Variants in SATB2 observed in about 807,000 individuals in gnomAD.
SATB2 encodes SATB homeobox 2, also known as DNA-binding protein SATB2.
Under a neutral mutation model 73.4 loss-of-function variants are expected in SATB2, and 1 was observed. The observed-to-expected ratio is 0.01, with a 90% confidence interval of 0.00 to 0.06. SATB2 has a LOEUF of 0.06. Ranked by LOEUF, SATB2 falls within the 10% of genes least tolerant of loss-of-function variation. SATB2 has a pLI of 1.00. For missense variants in SATB2, 459 were observed against 945.8 expected, an observed-to-expected ratio of 0.49 and a Z score of 6.75; for synonymous variants, 397 against 367.0, an observed-to-expected ratio of 1.08 and a Z score of -0.93.
intron 3 of SATB2, among the ~76,000 whole-genome samples, chr2:199,424,280 T>C (rs1248525977): frequency 6.6e-6 from 1 of 152,104 alleles, no homozygotes; most frequent in Non-Finnish European, 1.5e-5. Flanking sequence ...CTCATCACAG[T>C]CACGCAAAAT....
At chr2:199,294,128 A>G (rs774387478) in intron 10 of SATB2, among the ~76,000 whole-genome samples, 1 of 152,196 alleles carries the variant, frequency 6.6e-6, no homozygotes, top group Non-Finnish European at 1.5e-5. Flanking sequence ...ATGTAGATGA[A>G]TATGACATGA....
chr2:199,347,893 T>A lies in SATB2; in HGVS notation c.1173+808A>T, dbSNP rs896793032. 2.6e-5 allele frequency: 4 copies of A among 152,140 alleles called. 1 individual carries two copies. Among genetic ancestry groups the A allele is most frequent in the African/African-American group, 9.7e-5 (4 of 41,418 alleles). 9.4% of individuals were successfully genotyped at this position (152,140 alleles called of 1,614,324 possible). A position where few individuals can be genotyped will look rare whatever the true frequency, so the allele number is the denominator to read the frequency against. Reference sequence around the variant, plus strand: ...CGGCCCCGGATCAGTACCATCATAATCACCTGGGATCTTGTTAGAAATGTC... The same window carrying A: ...CGGCCCCGGATCAGTACCATCATAAACACCTGGGATCTTGTTAGAAATGTC... On this transcript the variant is annotated intron_variant, in intron 7 of 10. Coordinates refer to ENST00000417098, the MANE Select transcript of SATB2 (RefSeq NM_001172509.2).
chr2:199,333,063 G>A (rs1410298125), intron 7 of SATB2, among the ~76,000 whole-genome samples: 3 of 151,868 alleles, frequency 2.0e-5, no homozygotes, highest in South Asian at 2.1e-4. Flanking sequence ...CCTAGGATTA[G>A]GCTATATCTC....
chr2:199,369,799 C>T (rs961144302), intron 5 of SATB2, among the ~76,000 whole-genome samples: 18 of 152,118 alleles, frequency 1.2e-4, no homozygotes, highest in Admixed American at 1.2e-3. Context: ...TGCCAGCAGA[C>T]AGACCTTCAT....
Position 199,272,695 on chromosome 2 carries a change from A to G in SATB2, c.1741-23T>C, listed in dbSNP as rs1271346929. The G allele has an allele frequency of 1.3e-6, 2 of 1,597,788 alleles. No individual in the cohort carries two copies. The highest frequency in any genetic ancestry group is 4.5e-5 in the East Asian group (2 of 44,806). ...TACCTGATAATTAAGAGAGAAAAAA[A>G]TGAACACTGGACTCATGATTTTACC... is the stretch of plus-strand genomic sequence containing the variant. On this transcript the variant is annotated intron_variant, in intron 10 of 10. Transcript: ENST00000417098. The surrounding 1 kb of genome is among the most constrained non-coding windows in gnomAD (Gnocchi z 6.7).
At chr2:199,363,627 G>C (rs1207765596) in intron 6 of SATB2, among the ~76,000 whole-genome samples, 1 of 152,158 alleles carries the variant, frequency 6.6e-6, no homozygotes, top group African/African-American at 2.4e-5. Flanking sequence ...ATATCACAGA[G>C]TAAGTCTCAG....
intron 5 of SATB2, 52 bp downstream of exon 5, chr2:199,380,312 A>G: frequency 6.2e-7 from 1 of 1,610,114 alleles, no homozygotes; most frequent in Non-Finnish European, 8.5e-7. Flanking sequence ...CCTGATAGAG[A>G]GTCTACCAAT....
chr2:199,439,031 A>T (rs546661106), intron 2 of SATB2, among the ~76,000 whole-genome samples: 2 of 152,342 alleles, frequency 1.3e-5, no homozygotes, highest in Admixed American at 6.5e-5. Flanking sequence ...AGGACCCTTT[A>T]CCACTTGCTA....
At chr2:199,430,531 C>T (rs1691470760) in intron 3 of SATB2, among the ~76,000 whole-genome samples, 1 of 152,216 alleles carries the variant, frequency 6.6e-6, no homozygotes, top group South Asian at 2.1e-4. Context: ...GCTAGAAACA[C>T]AGTTACCATG....
chr2:199,297,859 T>G (rs1225464147), intron 10 of SATB2, among the ~76,000 whole-genome samples: 1 of 151,932 alleles, frequency 6.6e-6, no homozygotes, highest in Non-Finnish European at 1.5e-5. Context: ...TTTATTATGC[T>G]CTACAGAAGG....
At chr2:199,316,350 G>T (rs1446642) in intron 9 of SATB2, among the ~76,000 whole-genome samples, 5 of 151,936 alleles carry the variant, frequency 3.3e-5, no homozygotes, top group Admixed American at 1.3e-4. Context: ...TACAAGGAAG[G>T]CTTGTCAAGG....
chr2:199,334,981 T>A (rs1304590756), intron 7 of SATB2, among the ~76,000 whole-genome samples: 1 of 152,094 alleles, frequency 6.6e-6, no homozygotes, highest in Non-Finnish European at 1.5e-5. Context: ...ACAACCCCAC[T>A]ATGAATCTGG....
chr2:199,289,109 C>T (rs1692771933), intron 10 of SATB2, among the ~76,000 whole-genome samples: 1 of 152,124 alleles, frequency 6.6e-6, no homozygotes, highest in Non-Finnish European at 1.5e-5. Flanking sequence ...GCTCTTAATT[C>T]TAGGGTAGGC....
intron 8 of SATB2, 101 bp from the exon 9 acceptor site, chr2:199,324,059 T>A: frequency 8.4e-7 from 1 of 1,191,728 alleles, no homozygotes; most frequent in Non-Finnish European, 1.3e-6. Flanking sequence ...GATGCCAAAC[T>A]GCATTAGCTA....
At chr2:199,339,343 T>C (rs982124790) in intron 7 of SATB2, among the ~76,000 whole-genome samples, 4 of 152,204 alleles carry the variant, frequency 2.6e-5, no homozygotes, top group African/African-American at 9.6e-5. Flanking sequence ...AATATTATTA[T>C]AATCTGTAAA....
intron 10 of SATB2, among the ~76,000 whole-genome samples, chr2:199,285,672 T>C (rs1172298991): frequency 6.6e-6 from 1 of 151,654 alleles, no homozygotes; most frequent in South Asian, 2.1e-4. Flanking sequence ...TAATATAAGT[T>C]GGTTCTCTTT....
intron 9 of SATB2, among the ~76,000 whole-genome samples, chr2:199,314,562 C>T (rs1687679531): frequency 6.6e-6 from 1 of 152,114 alleles, no homozygotes; most frequent in African/African-American, 2.4e-5. Context: ...TAGTACATTA[C>T]ATATATTATC....
chr2:199,328,502 C>T (rs940958277), intron 8 of SATB2, among the ~76,000 whole-genome samples, 196 bp downstream of exon 8: 17 of 152,000 alleles, frequency 1.1e-4, no homozygotes, highest in African/African-American at 4.1e-4. Flanking sequence ...GATCATGCTA[C>T]TGCACTCCAG....
At chr2:199,469,822 C>T (rs146747127), upstream of SATB2, 2 of 152,548 alleles carry the variant, frequency 1.3e-5, no homozygotes, top group African/African-American at 2.4e-5. Flanking sequence ...GTGCTACTGA[C>T]ACTGGGCTTA....
Sources: gnomAD v4.1 joint callset for allele counts (sites outside exome capture counted in the v4.1 genomes callset) on GRCh38, gnomAD v4.1.1 for gene constraint, Gnocchi (gnomAD v3.1) non-coding constraint, MANE v1.5 for transcripts, NCBI Gene and HGNC (gene_info 2026-07-23, HGNC 2026-07-21) for gene names.